OLFM1: variants seen among roughly 807,000 people sequenced by gnomAD.
OLFM1 encodes the protein noelin.
A neutral mutation model predicts 49.7 loss-of-function variants in OLFM1; 9 were observed. The ratio of observed to expected loss-of-function variants is 0.18; its 90% CI spans 0.11 to 0.32. The LOEUF (loss-of-function observed/expected upper bound fraction) is 0.32, where lower values mean the gene tolerates loss of function less well. OLFM1 is among the 10% of genes least tolerant of loss of function. The probability of loss-of-function intolerance (pLI) is 1.00; values close to 1 mark genes in which losing one functional copy is unlikely to be tolerated. For synonymous variants in OLFM1, 240 were observed against 271.8 expected, an observed-to-expected ratio of 0.88 and a Z score of 1.15; for missense variants, 369 against 661.8, an observed-to-expected ratio of 0.56 and a Z score of 4.85.
intron 2 of OLFM1, among the ~76,000 whole-genome samples, chr9:135,095,530 A>AAAG (rs113214887): frequency 0.11 from 14,385 of 136,698 alleles, 889 homozygotes; most frequent in South Asian, 0.14. Context: ...AAAAAAAAAA[A>AAAG]AGAGAGAGAG....
chr9:135,081,281 A>G (rs1014018074), intron 1 of OLFM1, among the ~76,000 whole-genome samples: 12 of 152,216 alleles, frequency 7.9e-5, no homozygotes, highest in Non-Finnish European at 2.9e-5. Flanking sequence ...TAAGACAGAA[A>G]GAAAATGCAA....
intron 1 of OLFM1, among the ~76,000 whole-genome samples, chr9:135,081,185 G>A (rs1307079376): frequency 6.6e-6 from 1 of 152,082 alleles, no homozygotes; most frequent in Non-Finnish European, 1.5e-5. Flanking sequence ...TAAGCAGCCT[G>A]CCCATCCACC....
At chr9:135,092,865 A>G (rs1830735313) in intron 2 of OLFM1, among the ~76,000 whole-genome samples, 1 of 152,198 alleles carries the variant, frequency 6.6e-6, no homozygotes, top group Non-Finnish European at 1.5e-5. Context: ...TGCACTGTGC[A>G]TTTTAGCAGG....
chr9:135,106,759 G>A lies in OLFM1; in HGVS notation c.687G>A (p.Lys229=). Reference sequence around the variant, plus strand: ...CGTGCTCTTTTCCAGCTTGCGGGAAGTTGACGGGCATCAGTGACCCCGTGA... The same window carrying A: ...CGTGCTCTTTTCCAGCTTGCGGGAAATTGACGGGCATCAGTGACCCCGTGA... ...RACMQKLACG[K]LTGISDPVTV... Residue 229 remains lysine, a synonymous_variant, in exon 5 of 6, where the codon AAG becomes AAA. Transcript: ENST00000371793. 1 of 1,613,604 alleles carries A rather than the reference G, an allele frequency of 6.2e-7. No homozygotes were observed. Among genetic ancestry groups the A allele is most frequent in the African/African-American group, 1.3e-5 (1 of 75,062 alleles).
Position 135,098,018 on chromosome 9 carries a change from AAG to A in OLFM1, c.457-266_457-265del. ...TTGTCAATGCATTTTTTGAAAAAGA[AAG>A]AAAAAAAAAACTTCGTGTATGTGAC... On this transcript the variant is annotated intron_variant, in intron 3 of 5. Transcript: ENST00000371793. The surrounding 1 kb of genome is among the most constrained non-coding windows in gnomAD (Gnocchi z 5.6). 7.1e-7 allele frequency: 1 copy of A among 1,417,896 alleles called. No individual in the cohort carries two copies. The highest frequency in any genetic ancestry group is 9.1e-7 in the Non-Finnish European group (1 of 1,093,596). The allele number at this position is 1,417,896 out of a possible 1,614,324, so 87.8% of individuals were successfully genotyped here. A position where few individuals can be genotyped will look rare whatever the true frequency, so the allele number is the denominator to read the frequency against.
chr9:135,114,577 G>C lies in OLFM1; in HGVS notation c.784-4927G>C, dbSNP rs538021513. On this transcript the variant is annotated intron_variant, in intron 5 of 5. Transcript: ENST00000371793. ...GGGTTTAGGAAATACCTCCCAAGGG[G>C]GTGAGTGTGGCCTGGGGCAGGGATG... Among the ~76,000 whole-genome samples the C allele has an allele frequency of 1.6e-3, 248 of 152,150 alleles. 1 individual carries two copies. The highest frequency in any genetic ancestry group is 2.9e-3 in the Non-Finnish European group (198 of 67,994).
chr9:135,112,971 G>A (rs1007044500), intron 5 of OLFM1, among the ~76,000 whole-genome samples: 12 of 152,164 alleles, frequency 7.9e-5, no homozygotes, highest in Non-Finnish European at 1.2e-4. Flanking sequence ...ACTTTGTGGC[G>A]TGGGGGAGGG....
chr9:135,106,720 C>G (rs1830949282), intron 4 of OLFM1, 29 bp from the exon 5 acceptor site: 1 of 1,599,014 alleles, frequency 6.3e-7, no homozygotes. Flanking sequence ...CCCCGCCCTC[C>G]CTCTCCTGAC....
At chr9:135,087,103 G>A (rs1002556497), upstream of OLFM1, among the ~76,000 whole-genome samples, 1 of 152,246 alleles carries the variant, frequency 6.6e-6, no homozygotes, top group Non-Finnish European at 1.5e-5. Context: ...AGGCCTTAGG[G>A]CACCGCGGCT....
At chr9:135,111,115 C>T (rs566131705) in intron 5 of OLFM1, among the ~76,000 whole-genome samples, 66 of 152,308 alleles carry the variant, frequency 4.3e-4, no homozygotes, top group African/African-American at 1.4e-3. Context: ...GGCTGAAATG[C>T]GGTGCAGAGG....
rs571972859 is a variant in OLFM1 at position 135,088,868 on chromosome 9, T to A, written c.150+729T>A. ...TGGCCTCTGAAATTGAAATCGCGTC[T>A]CCCTCTCGAGCCTAGCGGGAGGGGA... On this transcript the variant is annotated intron_variant, in intron 1 of 5. Transcript: ENST00000371793. The surrounding 1 kb of genome is among the most constrained non-coding windows in gnomAD (Gnocchi z 4.8). 3.3e-5 allele frequency among the ~76,000 whole-genome samples: 5 copies of A among 152,008 alleles called. No homozygotes were observed. The East Asian group carries it at 9.7e-4, about 30-fold the overall frequency.
At chr9:135,094,182 C>T (rs549538394) in intron 2 of OLFM1, among the ~76,000 whole-genome samples, 31 of 152,252 alleles carry the variant, frequency 2.0e-4, no homozygotes, top group African/African-American at 7.0e-4. Context: ...GCAGGAGCTA[C>T]TCCCGTGCAC....
At chr9:135,092,654 G>A (rs1373130318) in intron 2 of OLFM1, among the ~76,000 whole-genome samples, 6 of 152,160 alleles carry the variant, frequency 3.9e-5, no homozygotes, top group African/African-American at 9.7e-5. Flanking sequence ...AGGCATTTGC[G>A]GGGAGAGCAG....
rs570244203 is a variant in OLFM1, at chr9:135,120,208, G to A, written c.*30G>A. ...CTCCTCCTGGAAGCCAAGGGCCCACGTCCTCACCACAAAGGGACTCCTGTG... is the reference window on the plus strand; with the variant it reads ...CTCCTCCTGGAAGCCAAGGGCCCACATCCTCACCACAAAGGGACTCCTGTG... On this transcript the variant is annotated 3_prime_UTR_variant, in exon 6 of 6. Coordinates refer to ENST00000371793, the MANE Select transcript of OLFM1 (RefSeq NM_001282611.2). The A allele has an allele frequency of 4.4e-5, 69 of 1,570,130 alleles. No individual in the cohort carries two copies. The East Asian group carries it at 1.1e-3, about 24-fold the overall frequency.
chr9:135,097,330 A>T (rs991531203), intron 3 of OLFM1, among the ~76,000 whole-genome samples: 1 of 152,214 alleles, frequency 6.6e-6, no homozygotes, highest in African/African-American at 2.4e-5. Context: ...TTGTCCTCGC[A>T]TCTGGCTGGT....
intron 2 of OLFM1, among the ~76,000 whole-genome samples, chr9:135,095,414 G>A (rs1830775070): frequency 1.3e-5 from 2 of 151,838 alleles, no homozygotes; most frequent in Admixed American, 1.3e-4. Flanking sequence ...CTGGGGGCGG[G>A]GCAGCCTAAG....
chr9:135,097,781 G>A (rs780806892), intron 3 of OLFM1: 1 of 1,613,320 alleles, frequency 6.2e-7, no homozygotes, highest in Non-Finnish European at 8.5e-7. Context: ...TTACTTGCAG[G>A]GCTAACTTAA....
rs1831110388 is a variant in OLFM1, at chr9:135,117,384, A to G, written c.784-2120A>G. Among the ~76,000 whole-genome samples the G allele has an allele frequency of 1.3e-5, 2 of 152,242 alleles. No homozygotes were observed. Among genetic ancestry groups the G allele is most frequent in the African/African-American group, 4.8e-5 (2 of 41,464 alleles). ...TACACTCACAGCATCCCAAATGCCA[A>G]ATTAATGACATTCCGCCCTGCAGAC... On this transcript the variant is annotated intron_variant, in intron 5 of 5. Coordinates refer to ENST00000371793, the MANE Select transcript of OLFM1 (RefSeq NM_001282611.2). This position sits in a 1 kb window ranked among gnomAD's most constrained non-coding sequence, Gnocchi z 5.5.
chr9:135,115,985 G>C (rs1831090600), intron 5 of OLFM1, among the ~76,000 whole-genome samples: 1 of 152,196 alleles, frequency 6.6e-6, no homozygotes, highest in Admixed American at 6.5e-5. Context: ...TTTTTGGAAA[G>C]AACGATAGGT....
Sources: gnomAD v4.1 joint callset for allele counts (sites outside exome capture counted in the v4.1 genomes callset) on GRCh38, gnomAD v4.1.1 for gene constraint, Gnocchi (gnomAD v3.1) non-coding constraint, MANE v1.5 for transcripts, NCBI Gene and HGNC (gene_info 2026-07-23, HGNC 2026-07-21) for gene names.